CLVS1: variants seen among roughly 807,000 people sequenced by gnomAD.
CLVS1 encodes clavesin 1, also known as clavesin-1.
Under a neutral mutation model 33.1 loss-of-function variants are expected in CLVS1, and 10 were observed. That is an observed-to-expected ratio of 0.30 (90% CI 0.19 to 0.51). The LOEUF is 0.51. Ranked by LOEUF, CLVS1 falls within the 20% of genes least tolerant of loss-of-function variation. The pLI is 0.97. For synonymous variants in CLVS1, 163 were observed against 166.1 expected (o/e 0.98, Z 0.14); for missense variants, 343 against 433.4 (o/e 0.79, Z 1.85).
intron 5 of CLVS1, among the ~76,000 whole-genome samples, chr8:61,496,491 A>G (rs1047325398): frequency 1.3e-5 from 2 of 152,136 alleles, no homozygotes; most frequent in Non-Finnish European, 2.9e-5. Flanking sequence ...ACTGGGCCTT[A>G]AACTAAAACA....
the CLVS1 span, among the ~76,000 whole-genome samples, chr8:60,981,740 C>A: frequency 6.6e-6 from 1 of 152,212 alleles, no homozygotes; most frequent in Non-Finnish European, 1.5e-5. Flanking sequence ...AGAGGAACAG[C>A]AGCTTGAGCG....
chr8:61,105,005 T>G (rs1805509499), intron 1 of CLVS1, among the ~76,000 whole-genome samples: 1 of 151,988 alleles, frequency 6.6e-6, no homozygotes, highest in South Asian at 2.1e-4. Context: ...ATTTTTTATA[T>G]TTTTAGTAGA....
At position 61,295,769 on chromosome 8, in the gene CLVS1, C is replaced by A. The variant is rs112511894; in HGVS notation, c.-151-3908C>A. Among the ~76,000 whole-genome samples, 1,484 of 152,202 alleles carry A rather than the reference C, an allele frequency of 9.8e-3. 31 individuals are homozygous for A. Among genetic ancestry groups the A allele is most frequent in the African/African-American group, 0.033 (1,376 of 41,510 alleles). ...TAGTGTCTGTGTAATTTGGGGCAATCATTTAACCTCTCTGTGCCTTAGTTT... is the reference window on the plus strand; with the variant it reads ...TAGTGTCTGTGTAATTTGGGGCAATAATTTAACCTCTCTGTGCCTTAGTTT... On this transcript the variant is annotated intron_variant, in intron 1 of 5. Coordinates refer to ENST00000325897, the MANE Select transcript of CLVS1 (RefSeq NM_173519.3).
intron 2 of CLVS1, among the ~76,000 whole-genome samples, chr8:61,177,127 G>A (rs112450565): frequency 0.034 from 5,196 of 152,298 alleles, 100 homozygotes; most frequent in Middle Eastern, 0.041. Context: ...TATGGCTCCA[G>A]GCAACACTTT....
At chr8:61,299,594 T>G in intron 1 of CLVS1, 83 bp from the exon 2 acceptor site, 1 of 516,768 alleles carries the variant, frequency 1.9e-6, no homozygotes, top group East Asian at 3.1e-5. Flanking sequence ...TATACTGTTT[T>G]TCTATCTAAG....
intron 2 of CLVS1, among the ~76,000 whole-genome samples, chr8:61,234,252 T>A (rs1188636848): frequency 6.6e-6 from 1 of 152,178 alleles, no homozygotes; most frequent in Non-Finnish European, 1.5e-5. Context: ...TTGGCTGGAC[T>A]GTGTGCGTGC....
intron 3 of CLVS1, among the ~76,000 whole-genome samples, chr8:61,400,467 G>A (rs1814705757): frequency 6.6e-6 from 1 of 152,162 alleles, no homozygotes; most frequent in Non-Finnish European, 1.5e-5. Context: ...ATAAGATTAT[G>A]TCATCTTCAA....
chr8:61,364,480 A>G (rs1326426956), intron 2 of CLVS1, among the ~76,000 whole-genome samples: 2 of 152,242 alleles, frequency 1.3e-5, no homozygotes, highest in Admixed American at 6.5e-5. Flanking sequence ...ACCTATAAAG[A>G]TAAGACTTTT....
In CLVS1 at chr8:61,258,101, G is replaced by C. The variant is rs186389011; in HGVS notation, c.-151-41576G>C. On this transcript the variant is annotated intron_variant, in intron 2 of 2. Transcript: ENST00000522621. ...AGACCCAGCCAATCTTCTCTTCTCT[G>C]CTCCCATGGGCCATATCTCTGTTGC... 3.7e-3 allele frequency among the ~76,000 whole-genome samples: 570 copies of C among 152,252 alleles called. 5 individuals are homozygous for C. The highest frequency in any genetic ancestry group is 0.013 in the African/African-American group (553 of 41,552).
At chr8:61,349,354 T>G (rs1482010892) in intron 2 of CLVS1, among the ~76,000 whole-genome samples, 1 of 151,982 alleles carries the variant, frequency 6.6e-6, no homozygotes, top group Non-Finnish European at 1.5e-5. Flanking sequence ...TAATAATTTT[T>G]CAAAAGAAAA....
At chr8:61,388,387 A>G (rs1814169332) in intron 3 of CLVS1, among the ~76,000 whole-genome samples, 1 of 150,896 alleles carries the variant, frequency 6.6e-6, no homozygotes, top group Non-Finnish European at 1.5e-5. Flanking sequence ...CCTTGATATC[A>G]TATCTGTTTG....
At chr8:60,985,441 T>C in the CLVS1 span, among the ~76,000 whole-genome samples, 1 of 152,206 alleles carries the variant, frequency 6.6e-6, no homozygotes, top group East Asian at 1.9e-4. Context: ...TCATTGTTTC[T>C]CTTTTTCCCT....
At chr8:61,304,454 A>G (rs1810545750) in intron 2 of CLVS1, among the ~76,000 whole-genome samples, 1 of 152,212 alleles carries the variant, frequency 6.6e-6, no homozygotes, top group Admixed American at 6.5e-5. Context: ...GCCGAACCAA[A>G]ACCAGATGGA....
chr8:61,455,155 C>A (rs549921203), intron 4 of CLVS1, among the ~76,000 whole-genome samples: 2 of 148,456 alleles, frequency 1.3e-5, no homozygotes, highest in Admixed American at 1.4e-4. Flanking sequence ...ATTAACACAT[C>A]TATCACCTCC....
intron 2 of CLVS1, among the ~76,000 whole-genome samples, chr8:61,223,729 T>G (rs1244268782): frequency 6.6e-6 from 1 of 152,238 alleles, no homozygotes; most frequent in Non-Finnish European, 1.5e-5. Flanking sequence ...TGGCCTGTCT[T>G]GCTAAGTTGG....
intron 1 of CLVS1, among the ~76,000 whole-genome samples, chr8:61,077,858 G>T (rs1014346805): frequency 2.6e-5 from 4 of 152,192 alleles, no homozygotes; most frequent in African/African-American, 4.8e-5. Context: ...TTTTGGTGGG[G>T]GCCCGCTGCT....
rs80128426 is a variant in CLVS1 at position 61,132,918 on chromosome 8, A to T, written c.-152+1058A>T. ...GGTACCATCATTGCTGCTCTGTGCCAGGTGTGGGAGGAAGCTTTTGTGGGG... is the reference window on the plus strand; with the variant it reads ...GGTACCATCATTGCTGCTCTGTGCCTGGTGTGGGAGGAAGCTTTTGTGGGG... On this transcript the variant is annotated intron_variant, in intron 2 of 2. Transcript: ENST00000522621. 1.1e-3 allele frequency among the ~76,000 whole-genome samples: 164 copies of T among 152,290 alleles called. 3 individuals carry two copies. Among genetic ancestry groups the T allele is most frequent in the Admixed American group, 7.6e-3 (116 of 15,314 alleles).
At chr8:61,464,444 T>A (rs540195938) in intron 5 of CLVS1, 1 of 152,428 alleles carries the variant, frequency 6.6e-6, no homozygotes, top group Admixed American at 6.5e-5. Flanking sequence ...GCTCTCATGG[T>A]TCTTGCTTGT....
intron 2 of CLVS1, among the ~76,000 whole-genome samples, chr8:61,274,448 A>T (rs1474572094): frequency 2.0e-5 from 3 of 152,134 alleles, no homozygotes; most frequent in Non-Finnish European, 4.4e-5. Context: ...GAATCACTTA[A>T]CCAAGGATGT....
Sources: gnomAD v4.1 joint callset for allele counts (sites outside exome capture counted in the v4.1 genomes callset) on GRCh38, gnomAD v4.1.1 for gene constraint, MANE v1.5 for transcripts, NCBI Gene and HGNC (gene_info 2026-07-23, HGNC 2026-07-21) for gene names.